POU3F3: variants seen among roughly 807,000 people sequenced by gnomAD.
The protein encoded by POU3F3 is POU domain, class 3, transcription factor 3.
Under a neutral mutation model 8.6 loss-of-function variants are expected in POU3F3, and 1 was observed. That is an observed-to-expected ratio of 0.12 (90% CI 0.04 to 0.55). POU3F3 has a LOEUF of 0.55. Ranked by LOEUF, POU3F3 falls within the 20% of genes least tolerant of loss-of-function variation. POU3F3 has a pLI of 0.91. For synonymous variants in POU3F3, 418 were observed against 327.4 expected, an observed-to-expected ratio of 1.28 and a Z score of -2.99; for missense variants, 577 against 690.7, an observed-to-expected ratio of 0.84 and a Z score of 1.84.
the POU3F3 span, among the ~76,000 whole-genome samples, chr2:104,914,378 T>A: frequency 2.3e-4 from 35 of 152,282 alleles, no homozygotes; most frequent in African/African-American, 7.9e-4. Context: ...GCTCCTCTGA[T>A]GGGTTGATTT....
the POU3F3 span, among the ~76,000 whole-genome samples, chr2:104,912,142 G>A: frequency 3.3e-5 from 5 of 152,200 alleles, no homozygotes; most frequent in African/African-American, 1.2e-4. Context: ...ATTCGGAGCA[G>A]TGTGTTTGAT....
downstream of POU3F3, among the ~76,000 whole-genome samples, chr2:104,859,747 A>G (rs181498368): frequency 2.0e-5 from 3 of 152,372 alleles, no homozygotes; most frequent in East Asian, 5.8e-4. Flanking sequence ...TTGATTTGTG[A>G]AATCTGAAAA....
chr2:104,879,218 GGAGA>G, the POU3F3 span, among the ~76,000 whole-genome samples: 4 of 150,064 alleles, frequency 2.7e-5, no homozygotes, highest in African/African-American at 4.9e-5. Context: ...ACATACAGAT[GGAGA>G]GAGAGAGAGA....
At chr2:104,923,888 T>A in the POU3F3 span, among the ~76,000 whole-genome samples, 3 of 152,094 alleles carry the variant, frequency 2.0e-5, no homozygotes, top group Non-Finnish European at 4.4e-5. Flanking sequence ...ATAAACAAGG[T>A]AGTCACAAAA....
chr2:104,862,876 G>A (rs1676683117), downstream of POU3F3, among the ~76,000 whole-genome samples: 1 of 152,142 alleles, frequency 6.6e-6, no homozygotes, highest in Non-Finnish European at 1.5e-5. Context: ...AAAGCCGTAG[G>A]AGAATACAAA....
the POU3F3 span, among the ~76,000 whole-genome samples, chr2:104,893,308 T>C: frequency 6.6e-6 from 1 of 152,170 alleles, no homozygotes; most frequent in African/African-American, 2.4e-5. Context: ...AGCTTCCTCT[T>C]GTGCTCACCC....
upstream of POU3F3, among the ~76,000 whole-genome samples, chr2:104,853,996 A>C (rs760592687): frequency 2.2e-4 from 33 of 152,188 alleles, no homozygotes; most frequent in Non-Finnish European, 3.8e-4. Context: ...GTCCTGAGCC[A>C]GTCATTCCGA....
chr2:104,886,189 G>A, the POU3F3 span, among the ~76,000 whole-genome samples: 4 of 152,078 alleles, frequency 2.6e-5, no homozygotes, highest in Non-Finnish European at 4.4e-5. Context: ...ACCCTCTCTT[G>A]GGGTCTGGAT....
chr2:104,891,123 C>G, the POU3F3 span, among the ~76,000 whole-genome samples: 2 of 152,144 alleles, frequency 1.3e-5, no homozygotes, highest in Admixed American at 6.6e-5. Context: ...GATCATTTAG[C>G]AAGCAACCGG....
the POU3F3 span, among the ~76,000 whole-genome samples, chr2:104,877,139 G>A: frequency 6.6e-6 from 1 of 152,094 alleles, no homozygotes; most frequent in Non-Finnish European, 1.5e-5. Flanking sequence ...GTTATGTTTG[G>A]GGGCGCTGGG....
In POU3F3 at chr2:104,855,742, A is replaced by C; in HGVS notation, c.232A>C (p.Met78Leu). The C allele has an allele frequency of 7.7e-7, 1 of 1,306,530 alleles. No homozygotes were observed. Among genetic ancestry groups the C allele is most frequent in the Non-Finnish European group, 1.0e-6 (1 of 1,004,158 alleles). 80.9% of individuals were successfully genotyped at this position (1,306,530 alleles called of 1,614,324 possible). Reference protein sequence around the residue: ...SSVKMVQSDFMQGAMAASNGG... With the variant: ...SSVKMVQSDFLQGAMAASNGG... ...TGTCAAGATGGTCCAGAGCGACTTC[A>C]TGCAGGGGGCCATGGCCGCCAGCAA... The change falls in exon 1 of 1, where the codon ATG becomes CTG. Residue 78 changes from methionine (M) to leucine (L), a missense_variant. Transcript: ENST00000361360.
At chr2:104,886,541 G>A in the POU3F3 span, among the ~76,000 whole-genome samples, 4 of 152,108 alleles carry the variant, frequency 2.6e-5, no homozygotes, top group African/African-American at 7.2e-5. Flanking sequence ...TCCAGACCCC[G>A]AGAGAGTTCT....
At chr2:104,869,270 G>A in the POU3F3 span, among the ~76,000 whole-genome samples, 1 of 152,248 alleles carries the variant, frequency 6.6e-6, no homozygotes, top group Non-Finnish European at 1.5e-5. Context: ...ACAGGGGACA[G>A]GTTCTGAACA....
At chr2:104,868,368 C>A in the POU3F3 span, 1 of 456,562 alleles carries the variant, frequency 2.2e-6, no homozygotes, top group Non-Finnish European at 4.4e-6. Context: ...CCTCCGCCGA[C>A]AAAGTGGGTG....
the POU3F3 span, among the ~76,000 whole-genome samples, chr2:104,914,094 A>G: frequency 3.3e-5 from 5 of 152,214 alleles, no homozygotes; most frequent in African/African-American, 1.2e-4. Flanking sequence ...GGATATTTCT[A>G]TTTAGTAAGA....
the POU3F3 span, among the ~76,000 whole-genome samples, chr2:104,922,766 A>G: frequency 6.6e-6 from 1 of 152,176 alleles, no homozygotes; most frequent in Non-Finnish European, 1.5e-5. Context: ...ATGACCAAAA[A>G]CTTTCCAAAT....
In POU3F3 at chr2:104,857,080, C is replaced by T. The variant is rs1036349330; in HGVS notation, c.*67C>T. Reference sequence around the variant, plus strand: ...TCCGCAGCCGCCGTCAGCACCGCCGCCGCCCCTGCCGCCGCCGCCGCCGCC... The same window carrying T: ...TCCGCAGCCGCCGTCAGCACCGCCGTCGCCCCTGCCGCCGCCGCCGCCGCC... On this transcript the variant is annotated 3_prime_UTR_variant, in exon 1 of 1. Coordinates refer to ENST00000361360, the MANE Select transcript of POU3F3 (RefSeq NM_006236.3). The T allele has an allele frequency of 1.6e-4, 168 of 1,048,920 alleles. No homozygotes were observed. The highest frequency in any genetic ancestry group is 1.9e-4 in the Non-Finnish European group (162 of 872,354). 65.0% of individuals were successfully genotyped at this position (1,048,920 alleles called of 1,614,324 possible). A position where few individuals can be genotyped will look rare whatever the true frequency, so the allele number is the denominator to read the frequency against.
the POU3F3 span, among the ~76,000 whole-genome samples, chr2:104,891,562 G>T: frequency 6.6e-6 from 1 of 152,132 alleles, no homozygotes. Context: ...TCTAAAATGT[G>T]ATAGAAGGGT....
At chr2:104,914,216 T>C in the POU3F3 span, among the ~76,000 whole-genome samples, 1 of 152,254 alleles carries the variant, frequency 6.6e-6, no homozygotes, top group Non-Finnish European at 1.5e-5. Context: ...CAATACAACT[T>C]GGAGAGGCTG....
Sources: allele counts gnomAD v4.1 joint callset (sites outside exome capture counted in the v4.1 genomes callset), GRCh38; gene constraint gnomAD v4.1.1; transcripts MANE v1.5; gene names NCBI Gene and HGNC (gene_info 2026-07-23, HGNC 2026-07-21).